Variants in TENM4 observed in about 807,000 individuals in gnomAD.
The protein encoded by TENM4 is teneurin transmembrane protein 4, also known as teneurin-4.
In TENM4, 82 loss-of-function variants were observed where a neutral mutation model predicts 243.3. The observed-to-expected ratio is 0.34, with a 90% CI of 0.28 to 0.40. The LOEUF is 0.40. TENM4 is among the 10% of genes least tolerant of loss of function. The pLI is 1.00. For missense variants in TENM4, 3,138 were observed against 3,673.3 expected, an observed-to-expected ratio of 0.85 and a Z score of 3.77; for synonymous variants, 1,412 against 1,456.3, an observed-to-expected ratio of 0.97 and a Z score of 0.69.
chr11:78,756,083 C>G (rs1486204235), intron 19 of TENM4, among the ~76,000 whole-genome samples: 2 of 152,140 alleles, frequency 1.3e-5, no homozygotes, highest in Non-Finnish European at 2.9e-5. Context: ...CTGGCACACT[C>G]TCTCCCTTCC....
chr11:79,360,488 G>A (rs1857571602), intron 1 of TENM4, among the ~76,000 whole-genome samples: 1 of 152,162 alleles, frequency 6.6e-6, no homozygotes, highest in African/African-American at 2.4e-5. Context: ...TGTCATCAAT[G>A]GTATGACCAA....
At chr11:78,923,386 A>T (rs1233788451) in intron 6 of TENM4, among the ~76,000 whole-genome samples, 2 of 152,002 alleles carry the variant, frequency 1.3e-5, no homozygotes, top group African/African-American at 4.8e-5. Context: ...TGGGGAACTG[A>T]TCTACACTCA....
intron 1 of TENM4, among the ~76,000 whole-genome samples, chr11:79,421,234 T>G (rs571286652): frequency 2.6e-5 from 4 of 152,148 alleles, no homozygotes; most frequent in Non-Finnish European, 4.4e-5. Context: ...CTTGTCTATA[T>G]GTTTTCATAA....
chr11:79,091,484 T>C (rs547563126), intron 4 of TENM4, among the ~76,000 whole-genome samples: 1 of 152,342 alleles, frequency 6.6e-6, no homozygotes, highest in East Asian at 1.9e-4. Flanking sequence ...GTCTTCAGCG[T>C]AATTTTTCTA....
At chr11:78,805,624 T>C (rs902744320) in intron 14 of TENM4, 132 bp from the exon 15 acceptor site, 8 of 1,117,512 alleles carry the variant, frequency 7.2e-6, no homozygotes, top group East Asian at 2.6e-5. Flanking sequence ...GGTCACTTAG[T>C]AAGGTGAGAG....
chr11:78,799,908 G>A (rs1857247295), intron 15 of TENM4, among the ~76,000 whole-genome samples: 1 of 152,156 alleles, frequency 6.6e-6, no homozygotes, highest in Admixed American at 6.5e-5. Flanking sequence ...AGACTGGAGA[G>A]AGCTCATATA....
intron 15 of TENM4, among the ~76,000 whole-genome samples, chr11:78,795,692 G>A (rs542083492): frequency 6.6e-6 from 1 of 151,956 alleles, no homozygotes; most frequent in Non-Finnish European, 1.5e-5. Context: ...GCACACAGTA[G>A]GCTAATTAAA....
chr11:78,856,217 G>T, intron 10 of TENM4, 39 bp from the exon 11 acceptor site: 1 of 1,531,052 alleles, frequency 6.5e-7, no homozygotes. Context: ...AGACATCTCG[G>T]TTAGCCACAT....
At chr11:78,813,524 C>G (rs568709001) in intron 13 of TENM4, among the ~76,000 whole-genome samples, 5 of 152,142 alleles carry the variant, frequency 3.3e-5, no homozygotes, top group Non-Finnish European at 7.3e-5. Context: ...GGACCAATCC[C>G]TAAAAAGGCA....
chr11:78,756,621 G>A, intron 19 of TENM4, 184 bp downstream of exon 19: 1 of 619,298 alleles, frequency 1.6e-6, no homozygotes, highest in Non-Finnish European at 2.8e-6. Context: ...AAACTCCTTG[G>A]AGAGTAGTTT....
chr11:78,812,281 ATTGGC>A lies in TENM4; in HGVS notation c.1814_1818del (p.Gly605ValfsTer16). 1 of 1,551,828 alleles carries A rather than the reference ATTGGC, an allele frequency of 6.4e-7. No homozygotes were observed. The highest frequency in any genetic ancestry group is 2.0e-5 in the Admixed American group (1 of 51,008). On this transcript the variant is annotated frameshift_variant, in exon 14 of 34. Transcript: ENST00000278550. LOFTEE classifies it high-confidence loss of function. ...TGGCACAAGCATCTGCCTTTCATGTATTGGCCATTTCCGCTACAGAGCACGGGGCA... is the reference window on the plus strand; with the variant it reads ...TGGCACAAGCATCTGCCTTTCATGTACATTTCCGCTACAGAGCACGGGGCA...
intron 2 of TENM4, among the ~76,000 whole-genome samples, chr11:79,245,413 G>A (rs1855493789): frequency 6.6e-6 from 1 of 152,158 alleles, no homozygotes; most frequent in Non-Finnish European, 1.5e-5. Context: ...GTAGAGTCCT[G>A]GCTGGGTGCC....
At chr11:79,073,672 G>A (rs11605208) in intron 4 of TENM4, among the ~76,000 whole-genome samples, 1,575 of 152,066 alleles carry the variant, frequency 0.01, 13 homozygotes, top group Admixed American at 0.016. Flanking sequence ...CCCACTGACC[G>A]GCTGAATGAC....
chr11:78,921,315 T>A (rs949343034), intron 6 of TENM4, among the ~76,000 whole-genome samples: 1 of 152,136 alleles, frequency 6.6e-6, no homozygotes, highest in African/African-American at 2.4e-5. Context: ...CAAGCTGAGG[T>A]CTGGAGAGGG....
intron 3 of TENM4, among the ~76,000 whole-genome samples, chr11:79,177,242 G>T (rs142320770): frequency 2.0e-5 from 3 of 151,946 alleles, no homozygotes; most frequent in Admixed American, 6.6e-5. Flanking sequence ...AGGGGCAAAG[G>T]GTTGGAGCCC....
intron 6 of TENM4, among the ~76,000 whole-genome samples, chr11:78,998,205 G>C (rs2136691327): frequency 6.6e-6 from 1 of 152,348 alleles, no homozygotes; most frequent in Middle Eastern, 3.4e-3. Context: ...TCATGGTACA[G>C]TAGAAAAGCA....
chr11:79,300,156 A>C (rs1249641682), intron 1 of TENM4, among the ~76,000 whole-genome samples: 1 of 152,220 alleles, frequency 6.6e-6, no homozygotes, highest in Admixed American at 6.5e-5. Context: ...TTTTTTAAAA[A>C]AAGTATTTTC....
At position 79,033,586 on chromosome 11, in the gene TENM4, G is replaced by C. The variant is rs1859302965; in HGVS notation, c.493+31152C>G. Among the ~76,000 whole-genome samples, 6 of 152,188 alleles carry C rather than the reference G, an allele frequency of 3.9e-5. No individual in the cohort carries two copies. In the South Asian group the frequency reaches 1.2e-3, roughly 32 times the overall value. The stretch of plus-strand genomic sequence containing the variant: ...GTTTTCCTGGTCCATCCACCAAGCT[G>C]TGTCTTGCACCATAAACAGTCTCTT... On this transcript the variant is annotated intron_variant, in intron 6 of 33. Coordinates refer to ENST00000278550, the MANE Select transcript of TENM4 (RefSeq NM_001098816.3).
chr11:78,971,301 G>A (rs1268793870), intron 6 of TENM4, among the ~76,000 whole-genome samples: 1 of 152,034 alleles, frequency 6.6e-6, no homozygotes, highest in Non-Finnish European at 1.5e-5. Flanking sequence ...ATTTTTGTTT[G>A]TTTGTTTGTT....
Sources: allele counts gnomAD v4.1 joint callset (sites outside exome capture counted in the v4.1 genomes callset), GRCh38; gene constraint gnomAD v4.1.1; transcripts MANE v1.5; gene names NCBI Gene and HGNC (gene_info 2026-07-23, HGNC 2026-07-21).